COL25A1: variants seen among roughly 807,000 people sequenced by gnomAD.
COL25A1 encodes collagen alpha-1(XXV) chain.
A neutral mutation model predicts 128.4 loss-of-function variants in COL25A1; 103 were observed. The ratio of observed to expected loss-of-function variants is 0.80; its 90% CI spans 0.68 to 0.94. The LOEUF is 0.94. Ranked by LOEUF, COL25A1 falls within the 40% of genes least tolerant of loss-of-function variation. The pLI is 0.00. For missense variants in COL25A1, 745 were observed against 840.0 expected (o/e 0.89, Z 1.40); for synonymous variants, 279 against 277.2 (o/e 1.01, Z -0.06).
At chr4:108,945,091 C>T (rs943293094) in intron 8 of COL25A1, among the ~76,000 whole-genome samples, 1 of 152,070 alleles carries the variant, frequency 6.6e-6, no homozygotes, top group African/African-American at 2.4e-5. Context: ...CAGCATCCTA[C>T]AGAGTGTTTC....
rs547316957 is a variant in COL25A1, at chr4:109,015,254, T to TG, written c.421-4880_421-4879insC. On this transcript the variant is annotated intron_variant, in intron 5 of 37. Coordinates refer to ENST00000399132, the MANE Select transcript of COL25A1 (RefSeq NM_198721.4). ...GCTTGATTAATACAAATATTTTCAT[T>TG]CGTTACTGAGTAGTATTGTTCTAGT... Among the ~76,000 whole-genome samples the TG allele has an allele frequency of 1.3e-4, 20 of 152,350 alleles. No homozygotes were observed. The South Asian group carries it at 3.9e-3, about 30-fold the overall frequency.
intron 6 of COL25A1, among the ~76,000 whole-genome samples, chr4:108,990,557 C>CA (rs1177312454): frequency 5.3e-5 from 8 of 151,596 alleles, no homozygotes; most frequent in East Asian, 3.9e-4. Flanking sequence ...TTATTTATCC[C>CA]AAAAAATCTA....
chr4:108,846,869 T>C (rs6834308), intron 27 of COL25A1, among the ~76,000 whole-genome samples: 117,896 of 150,968 alleles, frequency 0.78, 46,659 homozygotes, highest in South Asian at 0.88. Flanking sequence ...AATAGATAAA[T>C]ATGCATTTTG....
At chr4:109,195,514 T>C (rs557090689) in intron 3 of COL25A1, among the ~76,000 whole-genome samples, 17 of 152,112 alleles carry the variant, frequency 1.1e-4, no homozygotes, top group Non-Finnish European at 2.1e-4. Flanking sequence ...GACATATAAT[T>C]AGAAGTTCTA....
chr4:109,079,061 G>A (rs1386383115), intron 3 of COL25A1, among the ~76,000 whole-genome samples: 1 of 152,226 alleles, frequency 6.6e-6, no homozygotes, highest in East Asian at 1.9e-4. Flanking sequence ...TGATGCTTCT[G>A]GAAACAGATT....
intron 3 of COL25A1, among the ~76,000 whole-genome samples, chr4:109,119,950 G>A (rs1306844476): frequency 6.6e-6 from 1 of 151,962 alleles, no homozygotes; most frequent in Non-Finnish European, 1.5e-5. Flanking sequence ...CCAACTAGAA[G>A]TTATCCCCAG....
At chr4:108,973,838 A>T (rs551455122) in intron 8 of COL25A1, among the ~76,000 whole-genome samples, 295 of 152,358 alleles carry the variant, frequency 1.9e-3, no homozygotes, top group African/African-American at 6.8e-3. Context: ...CCTACCTGCA[A>T]TGCTAAATTG....
chr4:109,111,981 G>A (rs1055462066), intron 3 of COL25A1, among the ~76,000 whole-genome samples: 10 of 151,980 alleles, frequency 6.6e-5, no homozygotes, highest in South Asian at 6.2e-4. Context: ...AGAATCTCAC[G>A]TTTAATCTAA....
intron 8 of COL25A1, among the ~76,000 whole-genome samples, chr4:108,971,686 C>T (rs952233276): frequency 2.6e-5 from 4 of 152,156 alleles, no homozygotes; most frequent in African/African-American, 9.7e-5. Flanking sequence ...GGTTGGATTT[C>T]ATTCTAAAGT....
At chr4:109,199,727 A>AAGCC (rs2126179017) in intron 3 of COL25A1, among the ~76,000 whole-genome samples, 1 of 152,254 alleles carries the variant, frequency 6.6e-6, no homozygotes, top group South Asian at 2.1e-4. Context: ...TAGCCCTTGG[A>AAGCC]AGCCAGCATG....
chr4:109,022,302 C>T (rs570216278), intron 5 of COL25A1: 9 of 362,398 alleles, frequency 2.5e-5, no homozygotes, highest in African/African-American at 1.5e-4. Context: ...GGGGCGGGTT[C>T]CCCCGATATT....
At chr4:108,919,287 T>C (rs1745221337) in intron 12 of COL25A1, among the ~76,000 whole-genome samples, 1 of 152,206 alleles carries the variant, frequency 6.6e-6, no homozygotes, top group South Asian at 2.1e-4. Flanking sequence ...TCAGTGATTA[T>C]ATTGAATGGG....
chr4:109,177,220 G>C (rs1425737564), intron 3 of COL25A1, among the ~76,000 whole-genome samples: 1 of 152,124 alleles, frequency 6.6e-6, no homozygotes, highest in Admixed American at 6.5e-5. Context: ...CCCATCTGTC[G>C]TTGCCTAGTT....
At chr4:109,016,382 C>T (rs890480665) in intron 5 of COL25A1, among the ~76,000 whole-genome samples, 1 of 152,360 alleles carries the variant, frequency 6.6e-6, no homozygotes, top group East Asian at 1.9e-4. Flanking sequence ...TTGGCATGAA[C>T]AGCCAAGGTG....
intron 3 of COL25A1, among the ~76,000 whole-genome samples, chr4:109,101,177 C>T (rs913254799): frequency 2.0e-5 from 3 of 152,072 alleles, no homozygotes; most frequent in Admixed American, 6.5e-5. Context: ...TGAAAATACT[C>T]AAAATAGAAT....
At chr4:109,028,761 G>T (rs1758559722) in intron 5 of COL25A1, among the ~76,000 whole-genome samples, 1 of 151,984 alleles carries the variant, frequency 6.6e-6, no homozygotes, top group South Asian at 2.1e-4. Context: ...AGAAAAGAAA[G>T]AAAAAGGACT....
At chr4:109,196,016 AC>A (rs1776008401) in intron 3 of COL25A1, among the ~76,000 whole-genome samples, 1 of 152,316 alleles carries the variant, frequency 6.6e-6, no homozygotes, top group East Asian at 1.9e-4. Context: ...TGAAATAGCA[AC>A]AGAAGCGAAG....
intron 5 of COL25A1, among the ~76,000 whole-genome samples, chr4:109,040,466 T>G (rs981084998): frequency 5.9e-5 from 9 of 152,240 alleles, no homozygotes. Flanking sequence ...ATCGCTCATT[T>G]GACCTTGTTC....
chr4:108,889,697 T>C lies in COL25A1; in HGVS notation c.939+4A>G, dbSNP rs376435963. Reference sequence around the variant, plus strand: ...AGTACAAATACTTGCAAGGTTATAGTTACCTTAATTCCTGCAGCAGATGAT... The same window carrying C: ...AGTACAAATACTTGCAAGGTTATAGCTACCTTAATTCCTGCAGCAGATGAT... On this transcript the variant is annotated splice_donor_region_variant and intron_variant, in intron 17 of 37. Coordinates refer to ENST00000399132, the MANE Select transcript of COL25A1 (RefSeq NM_198721.4). 1.9e-6 allele frequency: 3 copies of C among 1,613,208 alleles called. No homozygotes were observed. Among genetic ancestry groups the C allele is most frequent in the Non-Finnish European group, 2.5e-6 (3 of 1,179,386 alleles).
Sources: allele counts gnomAD v4.1 joint callset (sites outside exome capture counted in the v4.1 genomes callset), GRCh38; gene constraint gnomAD v4.1.1; transcripts MANE v1.5; gene names NCBI Gene and HGNC (gene_info 2026-07-23, HGNC 2026-07-21).